Variants in DNAJC5B observed in about 807,000 individuals in gnomAD.
The protein encoded by DNAJC5B is dnaJ homolog subfamily C member 5B.
Under a neutral mutation model 24.7 loss-of-function variants are expected in DNAJC5B, and 23 were observed. The ratio of observed to expected loss-of-function variants is 0.93; its 90% CI spans 0.67 to 1.32. DNAJC5B has a LOEUF of 1.32. Ranked by LOEUF, DNAJC5B falls within the 40% of genes most tolerant of loss-of-function variation. DNAJC5B has a pLI of 0.00. For missense variants in DNAJC5B, 238 were observed against 240.8 expected, an observed-to-expected ratio of 0.99 and a Z score of 0.08; for synonymous variants, 101 against 90.1, an observed-to-expected ratio of 1.12 and a Z score of -0.68.
upstream of DNAJC5B, among the ~76,000 whole-genome samples, chr8:66,017,732 G>A (rs1805991920): frequency 6.6e-6 from 1 of 152,124 alleles, no homozygotes; most frequent in South Asian, 2.1e-4. Context: ...ATTAATGCAG[G>A]CCTCTGAAAA....
At chr8:66,092,061 G>A (rs1807860449) in intron 5 of DNAJC5B, among the ~76,000 whole-genome samples, 1 of 152,110 alleles carries the variant, frequency 6.6e-6, no homozygotes, top group Non-Finnish European at 1.5e-5. Flanking sequence ...GTTCCCTTTT[G>A]GGGAGATAAA....
intron 1 of DNAJC5B, among the ~76,000 whole-genome samples, chr8:66,042,599 CTT>C (rs1487636764): frequency 1.8e-5 from 1 of 56,992 alleles, no homozygotes; most frequent in Non-Finnish European, 2.6e-5. Flanking sequence ...TCTTCTTCCT[CTT>C]CTTCTTCTTC....
intron 1 of DNAJC5B, among the ~76,000 whole-genome samples, chr8:66,038,869 C>A (rs560857354): frequency 7.2e-5 from 11 of 152,328 alleles, no homozygotes; most frequent in Admixed American, 5.2e-4. Flanking sequence ...AAATTTCACA[C>A]ATGTGAAATA....
chr8:66,015,225 T>A, the DNAJC5B span, among the ~76,000 whole-genome samples: 875 of 118,052 alleles, frequency 7.4e-3, 10 homozygotes, highest in South Asian at 0.026. Context: ...ACATGGGTAG[T>A]CTGTCTTCTA....
intron 1 of DNAJC5B, among the ~76,000 whole-genome samples, chr8:66,024,411 T>A (rs911149391): frequency 7.5e-6 from 1 of 133,750 alleles, no homozygotes; most frequent in Non-Finnish European, 1.5e-5. Flanking sequence ...ATTCTTTTTT[T>A]TTTTTTTTTT....
chr8:66,027,275 T>C (rs1806266969), intron 1 of DNAJC5B, among the ~76,000 whole-genome samples: 1 of 152,232 alleles, frequency 6.6e-6, no homozygotes, highest in Non-Finnish European at 1.5e-5. Flanking sequence ...GCTTCCTGCC[T>C]CCTCTCCTCA....
chr8:66,074,299 T>C (rs1807414332), intron 3 of DNAJC5B, among the ~76,000 whole-genome samples: 1 of 152,110 alleles, frequency 6.6e-6, no homozygotes. Context: ...TCTTGAAGTG[T>C]TGGATGGGGC....
chr8:66,099,931 T>G lies in DNAJC5B; in HGVS notation c.506-6T>G. Reference sequence around the variant, plus strand: ...GTGTTTATTGCTTTGCTTTGTTTATTTTTAGATGTGGACTTTCCAGTTTTT... The same window carrying G: ...GTGTTTATTGCTTTGCTTTGTTTATGTTTAGATGTGGACTTTCCAGTTTTT... On this transcript the variant is annotated splice_region_variant and splice_polypyrimidine_tract_variant and intron_variant, in intron 5 of 5. Coordinates refer to ENST00000276570, the MANE Select transcript of DNAJC5B (RefSeq NM_033105.6). The G allele has an allele frequency of 1.2e-6, 2 of 1,613,232 alleles. No individual in the cohort carries two copies. The highest frequency in any genetic ancestry group is 1.7e-4 in the Middle Eastern group (1 of 6,058).
intron 3 of DNAJC5B, among the ~76,000 whole-genome samples, chr8:66,060,159 G>T (rs893055664): frequency 1.3e-5 from 2 of 152,182 alleles, no homozygotes; most frequent in African/African-American, 2.4e-5. Flanking sequence ...CCAGACACAT[G>T]CTCAGGGGGT....
At chr8:66,089,144 G>A (rs1807792413) in intron 5 of DNAJC5B, among the ~76,000 whole-genome samples, 1 of 152,198 alleles carries the variant, frequency 6.6e-6, no homozygotes, top group South Asian at 2.1e-4. Context: ...TACAGTCATG[G>A]AGGAAGGTGA....
intron 2 of DNAJC5B, among the ~76,000 whole-genome samples, chr8:66,048,016 T>G (rs1458064516): frequency 6.6e-6 from 1 of 152,196 alleles, no homozygotes; most frequent in Non-Finnish European, 1.5e-5. Context: ...CCACCCTTTA[T>G]CACCATTATC....
intron 3 of DNAJC5B, among the ~76,000 whole-genome samples, chr8:66,072,059 G>T (rs1807363320): frequency 7.1e-6 from 1 of 141,322 alleles, no homozygotes; most frequent in Non-Finnish European, 1.5e-5. Flanking sequence ...GGGGGTGGGG[G>T]GGTAGGGGAG....
rs1479689023 is a variant in DNAJC5B at position 66,100,960 on chromosome 8, G to T, written c.*929G>T. 1.3e-5 allele frequency among the ~76,000 whole-genome samples: 2 copies of T among 152,110 alleles called. No homozygotes were observed. Among genetic ancestry groups the T allele is most frequent in the African/African-American group, 4.8e-5 (2 of 41,420 alleles). ...CCAGAGGTCATCTCTGCATTTGCTT[G>T]TTTGATTCTTGTATTTATTATGTGG... On this transcript the variant is annotated 3_prime_UTR_variant, in exon 6 of 6. Coordinates refer to ENST00000276570, the MANE Select transcript of DNAJC5B (RefSeq NM_033105.6).
rs148954845 is a variant in DNAJC5B at position 66,056,217 on chromosome 8, G to T, written c.119+4551G>T. Among the ~76,000 whole-genome samples, 196 of 152,146 alleles carry T rather than the reference G, an allele frequency of 1.3e-3. 1 individual carries two copies. In the East Asian group the frequency reaches 0.02, roughly 16 times the overall value. ...CCAATACCCAATCTAGCAGAAGAAG[G>T]CATCCAGGTAGTCTCATTCTTCCTC... On this transcript the variant is annotated intron_variant, in intron 3 of 5. Coordinates refer to ENST00000276570, the MANE Select transcript of DNAJC5B (RefSeq NM_033105.6).
chr8:66,090,126 C>T (rs1179825481), intron 5 of DNAJC5B, among the ~76,000 whole-genome samples: 5 of 151,936 alleles, frequency 3.3e-5, no homozygotes, highest in Non-Finnish European at 1.5e-5. Context: ...AGACCCTATA[C>T]TCCTCTAGCA....
At chr8:66,091,978 C>T (rs757786722) in intron 5 of DNAJC5B, among the ~76,000 whole-genome samples, 16 of 151,880 alleles carry the variant, frequency 1.1e-4, no homozygotes, top group South Asian at 2.1e-4. Flanking sequence ...TCCAAAGAGG[C>T]GGGAAGTAGA....
intron 3 of DNAJC5B, among the ~76,000 whole-genome samples, chr8:66,064,254 T>C (rs965164629): frequency 8.5e-5 from 13 of 152,302 alleles, no homozygotes; most frequent in African/African-American, 3.1e-4. Flanking sequence ...CTGTTTGTTT[T>C]TGCACTGAGA....
intron 1 of DNAJC5B, among the ~76,000 whole-genome samples, chr8:66,029,840 C>T (rs1018469791): frequency 6.6e-6 from 1 of 152,164 alleles, no homozygotes; most frequent in African/African-American, 2.4e-5. Context: ...GGATCTCTCT[C>T]CCTTCTCAGA....
At position 66,087,648 on chromosome 8, in the gene DNAJC5B, A is replaced by G. The variant is rs541619529; in HGVS notation, c.505+7100A>G. 9.2e-5 allele frequency among the ~76,000 whole-genome samples: 14 copies of G among 152,304 alleles called. No homozygotes were observed. The East Asian group carries it at 1.7e-3, about 19-fold the overall frequency. On this transcript the variant is annotated intron_variant, in intron 5 of 5. Transcript: ENST00000276570. ...CGTTGGGTAAATGTTCCCATTCCAA[A>G]TGGGAGAAACTGGTCAAAACAAAGG...
Sources: gnomAD v4.1 joint callset for allele counts (sites outside exome capture counted in the v4.1 genomes callset) on GRCh38, gnomAD v4.1.1 for gene constraint, MANE v1.5 for transcripts, NCBI Gene and HGNC (gene_info 2026-07-23, HGNC 2026-07-21) for gene names.